The following CECR2 variants were observed in gnomAD, a reference collection of about 807,000 sequenced individuals.
CECR2 encodes the protein chromatin remodeling regulator CECR2.
A neutral mutation model predicts 154.5 loss-of-function variants in CECR2; 30 were observed. The ratio of observed to expected loss-of-function variants is 0.19; its 90% CI spans 0.15 to 0.26. The LOEUF (loss-of-function observed/expected upper bound fraction) is 0.26. CECR2 is among the 10% of genes least tolerant of loss of function. The pLI is 1.00. For missense variants in CECR2, 1,743 were observed against 1,829.3 expected (o/e 0.95, Z 0.86); for synonymous variants, 725 against 683.7 (o/e 1.06, Z -0.94).
intron 9 of CECR2, among the ~76,000 whole-genome samples, chr22:17,526,707 G>A (rs1208770115): frequency 1.3e-5 from 2 of 150,474 alleles, no homozygotes; most frequent in Non-Finnish European, 2.9e-5. Context: ...TACTCAGGAG[G>A]CTGAGGCAAG....
intron 1 of CECR2, among the ~76,000 whole-genome samples, chr22:17,468,698 C>T (rs907531640): frequency 2.0e-5 from 3 of 152,052 alleles, no homozygotes; most frequent in Non-Finnish European, 4.4e-5. Flanking sequence ...AACCCCCCGC[C>T]CCATGATGAC....
chr22:17,366,650 G>A (rs983861169), upstream of CECR2, among the ~76,000 whole-genome samples: 2 of 152,140 alleles, frequency 1.3e-5, no homozygotes, highest in African/African-American at 4.8e-5. Context: ...AGGAGGTTAG[G>A]CTGGAAGTTA....
rs572712907 is a variant in CECR2, at chr22:17,481,049, T to TAAAAAAAAA, written c.221+3371_221+3379dup. On this transcript the variant is annotated intron_variant, in intron 2 of 18. Coordinates refer to ENST00000262608, the MANE Select transcript of CECR2 (RefSeq NM_001290047.2). ...AGTGAGACTCCATCTCTTTTTTTTTTAAAAAAAAAAAAGGCCGGGCACGGT... is the reference window on the plus strand; with the variant it reads ...AGTGAGACTCCATCTCTTTTTTTTTTAAAAAAAAAAAAAAAAAAAAAGGCCGGGCACGGT... Among the ~76,000 whole-genome samples the TAAAAAAAAA allele has an allele frequency of 2.4e-4, 22 of 92,068 alleles. 1 individual carries two copies. The highest frequency in any genetic ancestry group is 2.6e-4 in the Non-Finnish European group (11 of 41,718). 60.4% of individuals were successfully genotyped at this position (92,068 alleles called of 152,430 possible). A position where few individuals can be genotyped will look rare whatever the true frequency, so the allele number is the denominator to read the frequency against.
chr22:17,478,352 A>ATTT lies in CECR2; in HGVS notation c.221+689_221+691dup, dbSNP rs56010603. On this transcript the variant is annotated intron_variant, in intron 2 of 18. Coordinates refer to ENST00000262608, the MANE Select transcript of CECR2 (RefSeq NM_001290047.2). ...TCTCAGATAGGTAAAATGGTATCAA[A>ATTT]TTTTTTTTTTTTTTTTTTTTTGAGA... Among the ~76,000 whole-genome samples, 1,032 of 118,924 alleles carry ATTT rather than the reference A, an allele frequency of 8.7e-3. 25 individuals carry two copies. Among genetic ancestry groups the ATTT allele is most frequent in the East Asian group, 0.011 (43 of 4,058 alleles). 78.0% of individuals were successfully genotyped at this position (118,924 alleles called of 152,430 possible). A position where few individuals can be genotyped will look rare whatever the true frequency, so the allele number is the denominator to read the frequency against.
At chr22:17,397,654 C>T (rs1316479660) in intron 1 of CECR2, among the ~76,000 whole-genome samples, 8 of 152,030 alleles carry the variant, frequency 5.3e-5, no homozygotes, top group African/African-American at 1.4e-4. Context: ...CCCGCCACCA[C>T]GCTCGGCTAA....
At chr22:17,509,008 T>C (rs2055894527) in intron 7 of CECR2, among the ~76,000 whole-genome samples, 1 of 152,162 alleles carries the variant, frequency 6.6e-6, no homozygotes, top group Non-Finnish European at 1.5e-5. Flanking sequence ...CCCAGCACTT[T>C]GGGAGGCCGA....
In CECR2 at chr22:17,542,401, A is replaced by G. The variant is rs1366697940; in HGVS notation, c.2258A>G (p.Glu753Gly). 6.2e-7 allele frequency: 1 copy of G among 1,613,808 alleles called. No homozygotes were observed. The highest frequency in any genetic ancestry group is 8.5e-7 in the Non-Finnish European group (1 of 1,179,872). ...CCACCAGACTTTCCTGAAAGCTCAG[A>G]AATTCCTCCCAGCCATATGTATCGA... ...ARPPDFPESS[E>G]IPPSHMYRSY... Residue 753 changes from glutamate to glycine, a missense_variant, in exon 16 of 19, where the codon GAA becomes GGA. Glu to Gly is a moderately conservative substitution (Grantham distance 98, BLOSUM62 -2). Transcript: ENST00000262608.
chr22:17,477,520 G>T, intron 1 of CECR2, 68 bp from the exon 2 acceptor site: 1 of 1,029,874 alleles, frequency 9.7e-7, no homozygotes, highest in Non-Finnish European at 1.5e-6. Context: ...TGTGCTGGCG[G>T]TAGGAAGGGG....
chr22:17,393,035 G>A (rs1488323648), intron 1 of CECR2, among the ~76,000 whole-genome samples: 1 of 152,174 alleles, frequency 6.6e-6, no homozygotes, highest in Non-Finnish European at 1.5e-5. Context: ...GTGAGACTCT[G>A]TCTCAGAAAA....
chr22:17,510,884 C>T (rs758986387), intron 7 of CECR2, among the ~76,000 whole-genome samples: 13 of 152,166 alleles, frequency 8.5e-5, no homozygotes, highest in Non-Finnish European at 1.3e-4. Context: ...GGATTACAGG[C>T]GTGAGCCACC....
chr22:17,473,687 T>TTGA (rs2055164671), intron 1 of CECR2, among the ~76,000 whole-genome samples: 1 of 152,232 alleles, frequency 6.6e-6, no homozygotes, highest in Admixed American at 6.5e-5. Flanking sequence ...ATTACAACCC[T>TTGA]TGAAAATAGA....
intron 1 of CECR2, 140 bp from the exon 2 acceptor site, chr22:17,477,448 G>A (rs1421425896): frequency 1.6e-6 from 1 of 639,060 alleles, no homozygotes; most frequent in African/African-American, 1.8e-5. Context: ...TAGCCAGAAG[G>A]AAGGGCAGAG....
intron 1 of CECR2, among the ~76,000 whole-genome samples, chr22:17,441,090 A>G (rs8135492): frequency 0.26 from 39,885 of 151,684 alleles, 7,055 homozygotes; most frequent in East Asian, 0.52. Flanking sequence ...TTGGGATTAC[A>G]GGTGCATGCC....
At chr22:17,441,615 T>TTGAA (rs3079490) in intron 1 of CECR2, among the ~76,000 whole-genome samples, 43,240 of 151,230 alleles carry the variant, frequency 0.29, 8,796 homozygotes, top group African/African-American at 0.54. Context: ...CCCCCGTTAC[T>TTGAA]TGAATGAATG....
intron 2 of CECR2, among the ~76,000 whole-genome samples, chr22:17,482,959 G>T (rs1198524843): frequency 6.6e-6 from 1 of 152,110 alleles, no homozygotes; most frequent in Admixed American, 6.6e-5. Context: ...GGGATTACAG[G>T]CGTGAGCCAC....
chr22:17,414,066 A>G (rs898756350), intron 1 of CECR2, among the ~76,000 whole-genome samples: 16 of 151,214 alleles, frequency 1.1e-4, no homozygotes, highest in South Asian at 8.4e-4. Flanking sequence ...TCCGCCTCCC[A>G]GGTTCACGCC....
chr22:17,547,226 TAA>T (rs2056628370), intron 16 of CECR2, among the ~76,000 whole-genome samples: 1 of 147,368 alleles, frequency 6.8e-6, no homozygotes, highest in East Asian at 2.0e-4. Flanking sequence ...CATAATATGT[TAA>T]AAATGCCTCT....
intron 1 of CECR2, among the ~76,000 whole-genome samples, chr22:17,413,947 G>A (rs1200628569): frequency 6.8e-6 from 1 of 146,946 alleles, no homozygotes; most frequent in African/African-American, 2.5e-5. Flanking sequence ...AAAGTGCTGG[G>A]ATTACAGGCG....
chr22:17,376,944 C>G (rs1296587173), intron 1 of CECR2, among the ~76,000 whole-genome samples: 6 of 152,134 alleles, frequency 3.9e-5, no homozygotes, highest in Non-Finnish European at 2.9e-5. Flanking sequence ...CCCCTAAACA[C>G]ATTTTCAAAA....
Sources: allele counts gnomAD v4.1 joint callset (sites outside exome capture counted in the v4.1 genomes callset), GRCh38; gene constraint gnomAD v4.1.1; transcripts MANE v1.5; gene names NCBI Gene and HGNC (gene_info 2026-07-23, HGNC 2026-07-21).